The following YEATS2 variants were observed in gnomAD, a reference collection of about 807,000 sequenced individuals.
YEATS2 encodes the protein YEATS domain-containing protein 2.
A neutral mutation model predicts 163.2 loss-of-function variants in YEATS2; 77 were observed. The ratio of observed to expected loss-of-function variants is 0.47; its 90% CI spans 0.39 to 0.57. The LOEUF (loss-of-function observed/expected upper bound fraction) is 0.57. YEATS2 is among the 20% of genes least tolerant of loss of function. The pLI, the probability that YEATS2 is intolerant of heterozygous loss-of-function variation, is 0.00. For synonymous variants in YEATS2, 631 were observed against 645.1 expected (o/e 0.98, Z 0.33); for missense variants, 1,549 against 1,729.8 (o/e 0.90, Z 1.85).
intron 23 of YEATS2, among the ~76,000 whole-genome samples, chr3:183,800,211 A>C (rs263044): frequency 6.6e-6 from 1 of 151,802 alleles, no homozygotes; most frequent in Non-Finnish European, 1.5e-5. Context: ...CCTTTAAGAA[A>C]TATCTAAGGA....
At chr3:183,726,326 T>C (rs1376072754) in intron 6 of YEATS2, among the ~76,000 whole-genome samples, 1 of 152,210 alleles carries the variant, frequency 6.6e-6, no homozygotes, top group Non-Finnish European at 1.5e-5. Context: ...CTAAAAATGT[T>C]GATTTGGTTG....
intron 18 of YEATS2, 74 bp downstream of exon 18, chr3:183,776,197 C>T (rs1466197705): frequency 6.4e-6 from 9 of 1,403,404 alleles, no homozygotes; most frequent in Non-Finnish European, 7.6e-6. Context: ...ATTGATTTAC[C>T]TTTACGGCTC....
At chr3:183,768,219 C>T (rs1490966726) in intron 15 of YEATS2, among the ~76,000 whole-genome samples, 1 of 152,140 alleles carries the variant, frequency 6.6e-6, no homozygotes, top group African/African-American at 2.4e-5. Context: ...TGGCTTTCGG[C>T]TTGTGGACTA....
chr3:183,803,268 G>A lies in YEATS2; in HGVS notation c.3515G>A (p.Ser1172Asn). The A allele has an allele frequency of 6.2e-7, 1 of 1,611,838 alleles. No homozygotes were observed. The highest frequency in any genetic ancestry group is 8.5e-7 in the Non-Finnish European group (1 of 1,179,888). The change falls in exon 26 of 31, where the codon AGC (serine) becomes AAC (asparagine). Residue 1172 changes from serine to asparagine, a missense_variant. Physicochemically the swap from Ser to Asn is conservative, Grantham distance 46 (BLOSUM62 1). Coordinates refer to ENST00000305135, the MANE Select transcript of YEATS2 (RefSeq NM_018023.5). ...PLITAKSEDASCFSAKSVEQY... is the reference protein window; with the variant it reads ...PLITAKSEDANCFSAKSVEQY... ...GTGTGCATTCTAGGTGAAGATGCCA[G>A]CTGCTTTTCTGCAAAGTCTGTGGAG...
At chr3:183,711,402 G>C (rs1467392319) in intron 1 of YEATS2, among the ~76,000 whole-genome samples, 1 of 151,320 alleles carries the variant, frequency 6.6e-6, no homozygotes, top group Non-Finnish European at 1.5e-5. Context: ...GAACCCGGGA[G>C]GTGGAGCTTG....
At chr3:183,711,868 G>A (rs1715257038) in intron 1 of YEATS2, among the ~76,000 whole-genome samples, 4 of 151,426 alleles carry the variant, frequency 2.6e-5, no homozygotes, top group Admixed American at 2.6e-4. Context: ...CACCCAGGCT[G>A]GAGTGCAATG....
rs751502638 is a variant in YEATS2, at chr3:183,761,510, G to A, written c.1660G>A (p.Glu554Lys). 1.9e-6 allele frequency: 3 copies of A among 1,613,932 alleles called. No homozygotes were observed. In the South Asian group the frequency reaches 3.3e-5, roughly 18 times the overall value. Reference sequence around the variant, plus strand: ...ATATGTATTTTTACACACACAGCAGGAGGATTCTTTGTTTGCATCTATGCC... The same window carrying A: ...ATATGTATTTTTACACACACAGCAGAAGGATTCTTTGTTTGCATCTATGCC... Reference protein sequence around the residue: ...SSFVTSTVKQEDSLFASMPPL... With the variant: ...SSFVTSTVKQKDSLFASMPPL... Residue 554 changes from glutamate (E) to lysine (K), a missense_variant, in exon 14 of 31, where the codon GAG becomes AAG. Physicochemically the swap from Glu to Lys is moderately conservative, Grantham distance 56. Transcript: ENST00000305135.
chr3:183,755,741 C>CTTTTTTTTTTTTTTTTTTTTTTT lies in YEATS2; in HGVS notation c.1391-780_1391-758dup, dbSNP rs57050296. On this transcript the variant is annotated intron_variant, in intron 11 of 30. Transcript: ENST00000305135. ...ACTTACTGATTTTCTTCCTTCCTTT[C>CTTTTTTTTTTTTTTTTTTTTTTT]TTTTTTTTTTTTTTTTTTTTTTTTT... is the stretch of plus-strand genomic sequence containing the variant. Among the ~76,000 whole-genome samples, 4 of 82,220 alleles carry CTTTTTTTTTTTTTTTTTTTTTTT rather than the reference C, an allele frequency of 4.9e-5. 2 individuals carry two copies. Among genetic ancestry groups the CTTTTTTTTTTTTTTTTTTTTTTT allele is most frequent in the African/African-American group, 2.4e-4 (4 of 16,544 alleles). 53.9% of individuals were successfully genotyped at this position (82,220 alleles called of 152,430 possible).
chr3:183,736,406 G>A (rs897191943), intron 7 of YEATS2, among the ~76,000 whole-genome samples: 1 of 152,120 alleles, frequency 6.6e-6, no homozygotes, highest in African/African-American at 2.4e-5. Context: ...AAAGATCCTC[G>A]CTCTCTAGTG....
rs779905823 is a variant in YEATS2 at position 183,761,507 on chromosome 3, C to A, written c.1657C>A (p.Gln553Lys). 6.2e-7 allele frequency: 1 copy of A among 1,613,514 alleles called. No individual in the cohort carries two copies. The highest frequency in any genetic ancestry group is 8.5e-7 in the Non-Finnish European group (1 of 1,179,452). ...AAAATATGTATTTTTACACACACAGCAGGAGGATTCTTTGTTTGCATCTAT... is the reference window on the plus strand; with the variant it reads ...AAAATATGTATTTTTACACACACAGAAGGAGGATTCTTTGTTTGCATCTAT... ...GSSFVTSTVKQEDSLFASMPP... is the reference protein window; with the variant it reads ...GSSFVTSTVKKEDSLFASMPP... Residue 553 changes from glutamine (Q) to lysine (K), a missense_variant and splice_region_variant, in exon 14 of 31, where the codon CAG becomes AAG. By Grantham distance (53) the Gln-to-Lys change is moderately conservative. Transcript: ENST00000305135.
chr3:183,703,549 A>G (rs753930798), intron 1 of YEATS2, among the ~76,000 whole-genome samples: 2 of 152,154 alleles, frequency 1.3e-5, no homozygotes, highest in East Asian at 1.9e-4. Flanking sequence ...CTTTGGAAAG[A>G]CGATCAGGTG....
At chr3:183,733,499 G>A (rs1383170581) in intron 7 of YEATS2, among the ~76,000 whole-genome samples, 1 of 152,134 alleles carries the variant, frequency 6.6e-6, no homozygotes, top group African/African-American at 2.4e-5. Context: ...CTCCAGGTAT[G>A]GTGTAACCAA....
At chr3:183,808,793 T>C (rs1577238006) in intron 29 of YEATS2, 1 of 233,356 alleles carries the variant, frequency 4.3e-6, no homozygotes, top group Non-Finnish European at 8.5e-6. Context: ...GAGGCGGAGG[T>C]TGCACTGAGC....
intron 7 of YEATS2, among the ~76,000 whole-genome samples, chr3:183,731,867 T>A (rs1717819809): frequency 6.6e-6 from 1 of 152,244 alleles, no homozygotes; most frequent in Non-Finnish European, 1.5e-5. Context: ...AGCAGTTAGC[T>A]GTTCACAGCC....
chr3:183,700,339 C>G (rs1296365675), intron 1 of YEATS2, among the ~76,000 whole-genome samples: 2 of 151,076 alleles, frequency 1.3e-5, no homozygotes, highest in African/African-American at 4.9e-5. Flanking sequence ...AGCCCACATA[C>G]GATGTACATT....
At position 183,809,033 on chromosome 3, in the gene YEATS2, A is replaced by C. The variant is rs367694796; in HGVS notation, c.4087-64A>C. Reference sequence around the variant, plus strand: ...ACATTTGGGGTAAGGGATGGGGTTAAATGTGTCCCTTCTTGCCAGCAAGCA... The same window carrying C: ...ACATTTGGGGTAAGGGATGGGGTTACATGTGTCCCTTCTTGCCAGCAAGCA... On this transcript the variant is annotated intron_variant, in intron 29 of 30. Transcript: ENST00000305135. 3.6e-5 allele frequency: 57 copies of C among 1,563,236 alleles called. 1 individual carries two copies. The highest frequency in any genetic ancestry group is 1.3e-4 in the Admixed American group (8 of 59,916).
rs773750594 is a variant in YEATS2, at chr3:183,775,986, G to A, written c.2440G>A (p.Gly814Ser). 2.2e-5 allele frequency: 36 copies of A among 1,608,392 alleles called. No homozygotes were observed. The highest frequency in any genetic ancestry group is 1.0e-4 in the Admixed American group (6 of 59,754). The change falls in exon 18 of 31, where the codon GGC (glycine) becomes AGC (serine). Residue 814 changes from glycine (G) to serine (S), a missense_variant. Coordinates refer to ENST00000305135, the MANE Select transcript of YEATS2 (RefSeq NM_018023.5). Reference protein sequence around the residue: ...GGGGGGGGGGGSGSGGGGSTG... With the variant: ...GGGGGGGGGGSSGSGGGGSTG... ...AGGAGGAGGAGGAGGAGGAGGAGGC[G>A]GCAGTGGCAGCGGTGGAGGCGGCAG...
At chr3:183,698,103 A>AGGCAGCGC (rs1164828765) in intron 1 of YEATS2, 110 bp downstream of exon 1, 1 of 151,858 alleles carries the variant, frequency 6.6e-6, no homozygotes, top group Non-Finnish European at 1.5e-5. Flanking sequence ...CCCCATCGGC[A>AGGCAGCGC]GGCAGCGCGG....
At chr3:183,707,860 G>A (rs1245757280) in intron 1 of YEATS2, among the ~76,000 whole-genome samples, 3 of 151,746 alleles carry the variant, frequency 2.0e-5, no homozygotes. Context: ...ATTTTTGGTA[G>A]AGACGGGGTT....
Sources: allele counts gnomAD v4.1 joint callset (sites outside exome capture counted in the v4.1 genomes callset), GRCh38; gene constraint gnomAD v4.1.1; transcripts MANE v1.5; gene names NCBI Gene and HGNC (gene_info 2026-07-23, HGNC 2026-07-21).